The following DPF3 variants were observed in gnomAD, a reference collection of about 807,000 sequenced individuals.
DPF3 encodes the protein double PHD fingers 3.
A neutral mutation model predicts 56.8 loss-of-function variants in DPF3; 18 were observed. The observed-to-expected ratio is 0.32, with a 90% CI of 0.22 to 0.47. The LOEUF is 0.47. Among genes scored for constraint, DPF3 ranks in the 20% least tolerant of loss-of-function variants. DPF3 has a pLI of 1.00. For missense variants in DPF3, 403 were observed against 488.8 expected, an observed-to-expected ratio of 0.82 and a Z score of 1.65; for synonymous variants, 188 against 180.2, an observed-to-expected ratio of 1.04 and a Z score of -0.35.
intron 1 of DPF3, among the ~76,000 whole-genome samples, chr14:72,790,824 G>A (rs11852056): frequency 0.033 from 5,076 of 152,080 alleles, 288 homozygotes; most frequent in African/African-American, 0.12. Context: ...GAGCCCCATC[G>A]CCTCTTTCTC....
intron 2 of DPF3, among the ~76,000 whole-genome samples, chr14:72,754,919 A>AC (rs1265856381): frequency 6.6e-6 from 1 of 152,066 alleles, no homozygotes; most frequent in African/African-American, 2.4e-5. Flanking sequence ...TGACCACCCC[A>AC]CCCCTTTGGT....
chr14:72,636,685 C>G (rs1466852221), intron 8 of DPF3, among the ~76,000 whole-genome samples: 2 of 152,146 alleles, frequency 1.3e-5, no homozygotes, highest in Admixed American at 6.5e-5. Flanking sequence ...TTTCTCAAGC[C>G]CTGCTTTGTA....
At chr14:72,705,479 A>T (rs2153574617) in intron 6 of DPF3, among the ~76,000 whole-genome samples, 1 of 152,258 alleles carries the variant, frequency 6.6e-6, no homozygotes, top group South Asian at 2.1e-4. Context: ...TAATGTGCTC[A>T]AATCATCCCA....
At chr14:72,827,091 G>C (rs1272029123) in intron 1 of DPF3, among the ~76,000 whole-genome samples, 1 of 146,596 alleles carries the variant, frequency 6.8e-6, no homozygotes, top group Non-Finnish European at 1.5e-5. Context: ...GTAAAAGTTA[G>C]TACAATAGCC....
At chr14:72,825,732 G>A (rs1238686527) in intron 1 of DPF3, among the ~76,000 whole-genome samples, 1 of 131,734 alleles carries the variant, frequency 7.6e-6, no homozygotes, top group Non-Finnish European at 1.6e-5. Context: ...CCCACCCAGG[G>A]GAACCCTAGA....
chr14:72,728,852 A>G (rs1889517162), intron 4 of DPF3, among the ~76,000 whole-genome samples: 1 of 152,274 alleles, frequency 6.6e-6, no homozygotes, highest in East Asian at 1.9e-4. Context: ...GATGATGATA[A>G]GAGTGATGGA....
chr14:72,660,711 A>G (rs928217532), intron 8 of DPF3, among the ~76,000 whole-genome samples: 2 of 152,212 alleles, frequency 1.3e-5, no homozygotes, highest in African/African-American at 4.8e-5. Context: ...GTCGGTTCAC[A>G]TAATCAGGCT....
chr14:72,717,483 T>C (rs1414062061), intron 5 of DPF3, among the ~76,000 whole-genome samples: 2 of 152,188 alleles, frequency 1.3e-5, no homozygotes, highest in Non-Finnish European at 2.9e-5. Context: ...TGAACTCCTG[T>C]TGCCTTTGGT....
intron 5 of DPF3, among the ~76,000 whole-genome samples, chr14:72,723,182 C>T (rs577817207): frequency 1.3e-5 from 2 of 151,958 alleles, no homozygotes; most frequent in African/African-American, 4.8e-5. Context: ...GCTATCCCTC[C>T]CCCCAGCCCC....
chr14:72,864,867 G>T (rs770576024), intron 1 of DPF3, among the ~76,000 whole-genome samples: 2 of 152,240 alleles, frequency 1.3e-5, no homozygotes, highest in Non-Finnish European at 2.9e-5. Context: ...CCACAATGTG[G>T]CCTGAATGGG....
intron 1 of DPF3, among the ~76,000 whole-genome samples, chr14:72,792,321 A>T (rs1290046890): frequency 1.3e-5 from 2 of 152,164 alleles, no homozygotes; most frequent in Non-Finnish European, 2.9e-5. Context: ...GTGCTTCCCT[A>T]AGTCCTTTCT....
chr14:72,675,890 C>T (rs955624862), intron 7 of DPF3: 3 of 152,212 alleles, frequency 2.0e-5, no homozygotes, highest in East Asian at 1.9e-4. Flanking sequence ...ATCTCAAACA[C>T]ATTTGCATGG....
At chr14:72,786,650 C>T (rs573485901) in intron 1 of DPF3, among the ~76,000 whole-genome samples, 30 of 152,296 alleles carry the variant, frequency 2.0e-4, no homozygotes, top group Admixed American at 1.1e-3. Flanking sequence ...TGAAAAGCCT[C>T]CACCCTCAGA....
intron 1 of DPF3, among the ~76,000 whole-genome samples, chr14:72,777,277 A>G (rs1368138265): frequency 1.3e-5 from 2 of 152,176 alleles, no homozygotes; most frequent in Non-Finnish European, 2.9e-5. Context: ...TTGCATTTAA[A>G]CATGTTTAAC....
chr14:72,863,130 G>C (rs1407304910), intron 1 of DPF3, among the ~76,000 whole-genome samples: 4 of 93,328 alleles, frequency 4.3e-5, no homozygotes, highest in Non-Finnish European at 7.6e-5. Flanking sequence ...GTGTGTGTGT[G>C]TGTGTGTATA....
At chr14:72,633,708 A>T (rs1052185285) in intron 8 of DPF3, among the ~76,000 whole-genome samples, 1 of 152,164 alleles carries the variant, frequency 6.6e-6, no homozygotes, top group Non-Finnish European at 1.5e-5. Context: ...CCATCTTCCC[A>T]AGGAAGGAAA....
rs57886183 is a variant in DPF3 at position 72,764,484 on chromosome 14, G to GT, written c.193+7248dup. Among the ~76,000 whole-genome samples, 285 of 52,792 alleles carry GT rather than the reference G, an allele frequency of 5.4e-3. 44 individuals carry two copies. The highest frequency in any genetic ancestry group is 9.3e-3 in the African/African-American group (119 of 12,758). 34.6% of individuals were successfully genotyped at this position (52,792 alleles called of 152,430 possible). On this transcript the variant is annotated intron_variant, in intron 2 of 10. Coordinates refer to ENST00000556509, the MANE Select transcript of DPF3 (RefSeq NM_001280542.3). ...AGTATGCAAACTATTTTCCTGAGTT[G>GT]TTTTTTTTTTTTTTTTTTTTTTTTT...
At chr14:72,798,254 CAAAAAAAAA>C (rs35648169) in intron 1 of DPF3, among the ~76,000 whole-genome samples, 2 of 53,904 alleles carry the variant, frequency 3.7e-5, no homozygotes, top group Non-Finnish European at 7.1e-5. Flanking sequence ...GCCTTCATCT[CAAAAAAAAA>C]AAAAAAAAAA....
chr14:72,892,851 T>C (rs1000082503), intron 1 of DPF3, among the ~76,000 whole-genome samples: 2 of 152,026 alleles, frequency 1.3e-5, no homozygotes, highest in African/African-American at 4.8e-5. Context: ...CATCACCCAA[T>C]AGCACCCCTT....
Sources: allele counts gnomAD v4.1 joint callset (sites outside exome capture counted in the v4.1 genomes callset), GRCh38; gene constraint gnomAD v4.1.1; transcripts MANE v1.5; gene names NCBI Gene and HGNC (gene_info 2026-07-23, HGNC 2026-07-21).